The following CDYL2 variants were observed in gnomAD, a reference collection of about 807,000 sequenced individuals.
CDYL2 encodes chromodomain Y-like protein 2.
A neutral mutation model predicts 49.4 loss-of-function variants in CDYL2; 23 were observed. That is an observed-to-expected ratio of 0.47 (90% CI 0.34 to 0.66). CDYL2 has a LOEUF of 0.66. Ranked by LOEUF, CDYL2 falls within the 30% of genes least tolerant of loss-of-function variation. The pLI is 0.01. For missense variants in CDYL2, 678 were observed against 656.4 expected, an observed-to-expected ratio of 1.03 and a Z score of -0.36; for synonymous variants, 360 against 268.8, an observed-to-expected ratio of 1.34 and a Z score of -3.32.
intron 1 of CDYL2, among the ~76,000 whole-genome samples, chr16:80,724,321 A>G (rs1346631926): frequency 6.6e-6 from 1 of 151,890 alleles, no homozygotes; most frequent in Non-Finnish European, 1.5e-5. Context: ...GAAGATGGGA[A>G]GAGGAAGAGG....
At chr16:80,697,208 C>T (rs879272303) in intron 1 of CDYL2, among the ~76,000 whole-genome samples, 4 of 152,138 alleles carry the variant, frequency 2.6e-5, no homozygotes, top group African/African-American at 4.8e-5. Context: ...AACAACACAT[C>T]AACAACATAG....
At chr16:80,676,574 C>G (rs1417107691) in intron 2 of CDYL2, among the ~76,000 whole-genome samples, 1 of 152,156 alleles carries the variant, frequency 6.6e-6, no homozygotes, top group Non-Finnish European at 1.5e-5. Context: ...AGGCAATGAA[C>G]TGGGGTCAAG....
chr16:80,793,493 A>G (rs1907673847), intron 1 of CDYL2, among the ~76,000 whole-genome samples: 2 of 152,254 alleles, frequency 1.3e-5, no homozygotes, highest in South Asian at 2.1e-4. Context: ...GAAGCACTCA[A>G]TGAAGTTCAT....
In CDYL2 at chr16:80,603,985, C is replaced by G. The variant is rs1311996634; in HGVS notation, c.*403G>C. 1.6e-5 allele frequency: 3 copies of G among 187,274 alleles called. No homozygotes were observed. The highest frequency in any genetic ancestry group is 4.7e-5 in the African/African-American group (2 of 42,880). The allele number at this position is 187,274 out of a possible 1,614,324, so 11.6% of individuals were successfully genotyped here. A position where few individuals can be genotyped will look rare whatever the true frequency, so the allele number is the denominator to read the frequency against. ...CTCTGACACCCGATCTAAATACAAC[C>G]AGAGAGAGCCATGATGGCCAAGTCT... On this transcript the variant is annotated 3_prime_UTR_variant, in exon 7 of 7. Coordinates refer to ENST00000570137, the MANE Select transcript of CDYL2 (RefSeq NM_152342.4).
chr16:80,653,460 C>T (rs1054680692), intron 2 of CDYL2, among the ~76,000 whole-genome samples: 1 of 151,894 alleles, frequency 6.6e-6, no homozygotes, highest in Non-Finnish European at 1.5e-5. Context: ...AGTGAAACTC[C>T]GTCTCAAAAA....
intron 1 of CDYL2, among the ~76,000 whole-genome samples, chr16:80,773,518 C>A (rs1476450997): frequency 1.3e-5 from 2 of 152,116 alleles, no homozygotes; most frequent in Non-Finnish European, 2.9e-5. Context: ...CTGTGCCCAA[C>A]AGCTGCATGC....
intron 2 of CDYL2, among the ~76,000 whole-genome samples, chr16:80,668,644 T>TC (rs1909371169): frequency 6.6e-6 from 1 of 152,030 alleles, no homozygotes; most frequent in Non-Finnish European, 1.5e-5. Context: ...GCTTATATTT[T>TC]CCCCAGCATT....
At chr16:80,749,731 T>A (rs13334625) in intron 1 of CDYL2, among the ~76,000 whole-genome samples, 2,726 of 151,890 alleles carry the variant, frequency 0.018, 75 homozygotes, top group African/African-American at 0.061. Context: ...AAAATTTTTT[T>A]AAAAAAATTT....
In CDYL2 at chr16:80,670,263, G is replaced by A. The variant is rs151131374; in HGVS notation, c.616+14275C>T. On this transcript the variant is annotated intron_variant, in intron 2 of 6. Transcript: ENST00000570137. ...TTATAATCCCCACGTGTGGTGGGAG[G>A]GACCCAGTGGGAGTTGACTGGATCA... 1.2e-4 allele frequency among the ~76,000 whole-genome samples: 17 copies of A among 147,594 alleles called. No individual in the cohort carries two copies. The East Asian group carries it at 3.2e-3, about 28-fold the overall frequency.
intron 1 of CDYL2, among the ~76,000 whole-genome samples, chr16:80,746,105 G>C (rs913423372): frequency 3.3e-5 from 5 of 152,106 alleles, no homozygotes; most frequent in Non-Finnish European, 7.4e-5. Flanking sequence ...CTCTGTTCCC[G>C]AGACCTTCCT....
chr16:80,746,813 T>C (rs1054034336), intron 1 of CDYL2, among the ~76,000 whole-genome samples: 1 of 152,150 alleles, frequency 6.6e-6, no homozygotes, highest in Non-Finnish European at 1.5e-5. Context: ...TCATAACCCA[T>C]TATTGTTGGC....
chr16:80,598,257 C>G lies in CDYL2; in HGVS notation c.*6131G>C, dbSNP rs1207341899. 1 of 151,916 alleles carries G rather than the reference C, an allele frequency of 6.6e-6. No individual in the cohort carries two copies. Among genetic ancestry groups the G allele is most frequent in the African/African-American group, 2.4e-5 (1 of 41,364 alleles). The allele number at this position is 151,916 out of a possible 1,614,324, so 9.4% of individuals were successfully genotyped here. On this transcript the variant is annotated 3_prime_UTR_variant, in exon 7 of 7. Coordinates refer to ENST00000570137, the MANE Select transcript of CDYL2 (RefSeq NM_152342.4). The stretch of plus-strand genomic sequence containing the variant: ...AAATAAAACAAGTAGCCTAATTTTG[C>G]AAAGGTCTCGGTGGATTTTGGTGTA...
intron 2 of CDYL2, among the ~76,000 whole-genome samples, chr16:80,638,633 C>T (rs1241911346): frequency 6.6e-6 from 1 of 151,588 alleles, no homozygotes; most frequent in Non-Finnish European, 1.5e-5. Context: ...ATACATGCAT[C>T]AGTGGTATAT....
At chr16:80,666,906 G>C (rs1909287648) in intron 2 of CDYL2, among the ~76,000 whole-genome samples, 1 of 152,208 alleles carries the variant, frequency 6.6e-6, no homozygotes, top group Non-Finnish European at 1.5e-5. Flanking sequence ...TTAGGTGTTG[G>C]TGATACAGCT....
intron 2 of CDYL2, among the ~76,000 whole-genome samples, chr16:80,674,130 C>G (rs1442988909): frequency 6.6e-6 from 1 of 152,190 alleles, no homozygotes; most frequent in Admixed American, 6.5e-5. Flanking sequence ...CCATAGGGAA[C>G]TAATACAGCG....
chr16:80,767,677 G>A (rs962253601), intron 1 of CDYL2, among the ~76,000 whole-genome samples: 7 of 152,190 alleles, frequency 4.6e-5, no homozygotes, highest in African/African-American at 1.2e-4. Context: ...GGCTATGCAC[G>A]CTATAAAAGC....
At chr16:80,709,234 T>G (rs928688497) in intron 1 of CDYL2, among the ~76,000 whole-genome samples, 1 of 152,074 alleles carries the variant, frequency 6.6e-6, no homozygotes, top group Non-Finnish European at 1.5e-5. Context: ...ATACAAAAAT[T>G]AGCTGGGTGT....
At chr16:80,660,406 A>C (rs1375238222) in intron 2 of CDYL2, among the ~76,000 whole-genome samples, 1 of 152,004 alleles carries the variant, frequency 6.6e-6, no homozygotes, top group African/African-American at 2.4e-5. Context: ...AGAGGACATC[A>C]TATTTGTTAG....
At chr16:80,666,387 G>A (rs1241733638) in intron 2 of CDYL2, among the ~76,000 whole-genome samples, 2 of 152,184 alleles carry the variant, frequency 1.3e-5, no homozygotes, top group South Asian at 2.1e-4. Context: ...CATGATTTGG[G>A]CATTCGCTCT....
Sources: allele counts gnomAD v4.1 joint callset (sites outside exome capture counted in the v4.1 genomes callset), GRCh38; gene constraint gnomAD v4.1.1; transcripts MANE v1.5; gene names NCBI Gene and HGNC (gene_info 2026-07-23, HGNC 2026-07-21).